The following KLHL32 variants were observed in gnomAD, a reference collection of about 807,000 sequenced individuals.
KLHL32 encodes kelch like family member 32.
KLHL32 carries 35 observed loss-of-function variants against 64.8 expected under a neutral mutation model. The observed-to-expected ratio is 0.54, with a 90% CI of 0.41 to 0.72. KLHL32 has a LOEUF of 0.72. Among genes scored for constraint, KLHL32 ranks in the 30% least tolerant of loss-of-function variants. The pLI, the probability that KLHL32 is intolerant of heterozygous loss-of-function variation, is 0.00. For synonymous variants in KLHL32, 259 were observed against 281.0 expected (o/e 0.92, Z 0.78); for missense variants, 589 against 768.5 (o/e 0.77, Z 2.76).
At chr6:96,959,069 C>T (rs1379956476) in intron 1 of KLHL32, among the ~76,000 whole-genome samples, 2 of 152,258 alleles carry the variant, frequency 1.3e-5, no homozygotes, top group East Asian at 3.9e-4. Flanking sequence ...AGAAAATTTC[C>T]TCCAAGAGTG....
intron 3 of KLHL32, among the ~76,000 whole-genome samples, chr6:97,031,160 T>C (rs765218682): frequency 1.2e-4 from 18 of 152,188 alleles, no homozygotes; most frequent in Non-Finnish European, 1.9e-4. Flanking sequence ...AACTGGTGTT[T>C]CACTGTACCA....
intron 3 of KLHL32, 31 bp from the exon 4 acceptor site, chr6:97,041,461 A>C: frequency 6.8e-7 from 1 of 1,479,900 alleles, no homozygotes; most frequent in Non-Finnish European, 9.4e-7. Context: ...TCAAAGTCTC[A>C]TAACTGTCTT....
chr6:96,975,680 G>A (rs1775615243), intron 2 of KLHL32, among the ~76,000 whole-genome samples: 2 of 152,072 alleles, frequency 1.3e-5, no homozygotes, highest in Non-Finnish European at 1.5e-5. Flanking sequence ...CTGAAGGGAC[G>A]GGACCCAGAA....
chr6:96,915,787 C>A, the KLHL32 span, among the ~76,000 whole-genome samples: 1 of 152,054 alleles, frequency 6.6e-6, no homozygotes, highest in Non-Finnish European at 1.5e-5. Flanking sequence ...TATGCCACCC[C>A]AAAATATGCC....
chr6:97,059,225 T>C (rs1181892501), intron 4 of KLHL32, among the ~76,000 whole-genome samples: 4 of 152,076 alleles, frequency 2.6e-5, no homozygotes, highest in East Asian at 1.9e-4. Context: ...TTTTGACATA[T>C]GGAAATTAAA....
chr6:96,926,907 GT>G (rs1350289229), intron 1 of KLHL32, among the ~76,000 whole-genome samples: 1 of 152,194 alleles, frequency 6.6e-6, no homozygotes, highest in Non-Finnish European at 1.5e-5. Context: ...TGGCCTGCTA[GT>G]TAGCAACCCA....
intron 6 of KLHL32, among the ~76,000 whole-genome samples, chr6:97,089,686 T>C (rs1475924771): frequency 6.7e-6 from 1 of 150,046 alleles, no homozygotes; most frequent in Non-Finnish European, 1.5e-5. Flanking sequence ...GAGGCTGAGA[T>C]AGGAGAATCA....
chr6:96,904,919 CT>C, the KLHL32 span, among the ~76,000 whole-genome samples: 3,836 of 152,296 alleles, frequency 0.025, 72 homozygotes, highest in Non-Finnish European at 0.034. Flanking sequence ...TTTCCCCTTG[CT>C]CTCCATTCCC....
At chr6:97,036,487 A>G (rs1202398040) in intron 3 of KLHL32, among the ~76,000 whole-genome samples, 1 of 152,168 alleles carries the variant, frequency 6.6e-6, no homozygotes, top group African/African-American at 2.4e-5. Context: ...TACATCTTTC[A>G]GATATTACAG....
intron 4 of KLHL32, among the ~76,000 whole-genome samples, chr6:97,060,286 T>G (rs1788662149): frequency 6.6e-6 from 1 of 152,080 alleles, no homozygotes; most frequent in Non-Finnish European, 1.5e-5. Flanking sequence ...AGACAGTCCC[T>G]ACCAGCCACC....
intron 3 of KLHL32, among the ~76,000 whole-genome samples, chr6:97,020,805 C>T (rs377106973): frequency 1.3e-5 from 2 of 150,806 alleles, no homozygotes; most frequent in Non-Finnish European, 2.9e-5. Context: ...TTTCCTCCCA[C>T]TTGCTGGCTG....
At chr6:97,061,147 A>G (rs1481688675) in intron 4 of KLHL32, among the ~76,000 whole-genome samples, 1 of 152,106 alleles carries the variant, frequency 6.6e-6, no homozygotes, top group Non-Finnish European at 1.5e-5. Context: ...TCCTCTATAC[A>G]GGTGGTTCTG....
At chr6:97,015,030 A>G (rs1780961559) in intron 3 of KLHL32, among the ~76,000 whole-genome samples, 1 of 152,020 alleles carries the variant, frequency 6.6e-6, no homozygotes, top group African/African-American at 2.4e-5. Context: ...ATGGTTTTAT[A>G]TGGGGCTCTT....
the KLHL32 span, among the ~76,000 whole-genome samples, chr6:96,900,726 AGGTGACAGTTGGCTCAAG>A: frequency 6.6e-6 from 1 of 152,250 alleles, no homozygotes; most frequent in Non-Finnish European, 1.5e-5. Flanking sequence ...AGCTAAACCC[AGGTGACAGTTGGCTCAAG>A]GGGCCCAGGA....
chr6:97,000,198 A>G (rs1290650112), intron 3 of KLHL32, among the ~76,000 whole-genome samples: 1 of 152,230 alleles, frequency 6.6e-6, no homozygotes, highest in African/African-American at 2.4e-5. Context: ...AAATTCAACA[A>G]AGTGGTACTA....
intron 7 of KLHL32, among the ~76,000 whole-genome samples, chr6:97,122,156 C>T (rs1798434354): frequency 1.3e-5 from 2 of 152,194 alleles, no homozygotes; most frequent in South Asian, 4.1e-4. Flanking sequence ...GCATACTTTA[C>T]ATATTTCTGG....
intron 2 of KLHL32, among the ~76,000 whole-genome samples, chr6:96,969,303 C>A (rs1774853061): frequency 6.6e-6 from 1 of 152,070 alleles, no homozygotes; most frequent in Non-Finnish European, 1.5e-5. Flanking sequence ...CTTACCACAG[C>A]CTCCTCTCCT....
chr6:96,919,790 C>G (rs1026669629), upstream of KLHL32, among the ~76,000 whole-genome samples: 4 of 152,164 alleles, frequency 2.6e-5, no homozygotes, highest in African/African-American at 9.7e-5. Flanking sequence ...CATCATCCCC[C>G]TTTTCAGAGA....
chr6:96,985,363 T>A (rs1776888029), intron 3 of KLHL32, among the ~76,000 whole-genome samples: 1 of 152,184 alleles, frequency 6.6e-6, no homozygotes, highest in African/African-American at 2.4e-5. Context: ...GAGTTGCTCT[T>A]CTCGAGGAGT....
Sources: gnomAD v4.1 joint callset for allele counts (sites outside exome capture counted in the v4.1 genomes callset) on GRCh38, gnomAD v4.1.1 for gene constraint, MANE v1.5 for transcripts, NCBI Gene and HGNC (gene_info 2026-07-23, HGNC 2026-07-21) for gene names.